Variants in AK7 observed in about 807,000 individuals in gnomAD.
The protein encoded by AK7 is adenylate kinase 7.
AK7 carries 78 observed loss-of-function variants against 96.6 expected under a neutral mutation model. The ratio of observed to expected loss-of-function variants is 0.81; its 90% CI spans 0.67 to 0.97. The LOEUF (loss-of-function observed/expected upper bound fraction) is 0.97, where lower values mean the gene tolerates loss of function less well. Ranked by LOEUF, AK7 falls within the 50% of genes least tolerant of loss-of-function variation. The pLI is 0.00. For missense variants in AK7, 855 were observed against 887.9 expected (o/e 0.96, Z 0.47); for synonymous variants, 302 against 317.2 (o/e 0.95, Z 0.51).
intron 6 of AK7, among the ~76,000 whole-genome samples, chr14:96,441,057 C>G (rs990448247): frequency 6.6e-6 from 1 of 152,012 alleles, no homozygotes; most frequent in Non-Finnish European, 1.5e-5. Context: ...TCTTTTGAGT[C>G]TTTGATCAGC....
chr14:96,399,814 G>A lies in AK7; in HGVS notation c.294+1551G>A, dbSNP rs982341595. On this transcript the variant is annotated intron_variant, in intron 2 of 17. Coordinates refer to ENST00000267584, the MANE Select transcript of AK7 (RefSeq NM_152327.5). The surrounding 1 kb of genome is among the most constrained non-coding windows in gnomAD (Gnocchi z 4.1). ...TTTTCCTCTTTTACCCTTTAAATGC[G>A]GTTTTCCCCAGAGCTCACTCCCTTC... is the stretch of plus-strand genomic sequence containing the variant. Among the ~76,000 whole-genome samples, 11 of 151,880 alleles carry A rather than the reference G, an allele frequency of 7.2e-5. No homozygotes were observed. Among genetic ancestry groups the A allele is most frequent in the African/African-American group, 2.4e-4 (10 of 41,344 alleles).
At chr14:96,445,087 G>A (rs145888610) in intron 7 of AK7, among the ~76,000 whole-genome samples, 78 of 152,310 alleles carry the variant, frequency 5.1e-4, no homozygotes, top group African/African-American at 1.8e-3. Context: ...AATGACCAAT[G>A]TGCTTTTTGT....
intron 12 of AK7, among the ~76,000 whole-genome samples, chr14:96,459,045 A>C (rs912184651): frequency 1.3e-5 from 2 of 152,046 alleles, no homozygotes; most frequent in African/African-American, 4.8e-5. Context: ...TAAGTTAAAA[A>C]GAAAAAAATC....
chr14:96,488,176 G>C (rs1895879557), intron 17 of AK7, 129 bp from the exon 18 acceptor site: 2 of 761,800 alleles, frequency 2.6e-6, no homozygotes, highest in South Asian at 1.7e-5. Flanking sequence ...GCCTCCCAAA[G>C]TGCTGGGATT....
intron 9 of AK7, 45 bp downstream of exon 9, chr14:96,449,924 T>G: frequency 7.5e-7 from 1 of 1,335,912 alleles, no homozygotes. Flanking sequence ...TCTTTCTCAA[T>G]AATATGGAGT....
chr14:96,415,087 G>A (rs1891253581), intron 4 of AK7, among the ~76,000 whole-genome samples: 1 of 151,882 alleles, frequency 6.6e-6, no homozygotes, highest in Non-Finnish European at 1.5e-5. Flanking sequence ...AACAAAAAGA[G>A]GAGCAGAAGA....
At chr14:96,479,367 G>A (rs1355696626) in intron 15 of AK7, among the ~76,000 whole-genome samples, 2 of 151,078 alleles carry the variant, frequency 1.3e-5, no homozygotes, top group Middle Eastern at 3.5e-3. Flanking sequence ...GTGAGCCACC[G>A]TGCCTGGCCG....
rs1015708216 is a variant in AK7 at position 96,399,733 on chromosome 14, G to A, written c.294+1470G>A. On this transcript the variant is annotated intron_variant, in intron 2 of 17. Transcript: ENST00000267584. This position sits in a 1 kb window ranked among gnomAD's most constrained non-coding sequence, Gnocchi z 4.1. ...AACTCGCCTTCCCTTCTTGTGCCTC[G>A]GCTCTGCACTGACTAAGCGCCCAAG... Among the ~76,000 whole-genome samples, 3 of 152,044 alleles carry A rather than the reference G, an allele frequency of 2.0e-5. No homozygotes were observed. The highest frequency in any genetic ancestry group is 4.4e-5 in the Non-Finnish European group (3 of 67,998).
intron 6 of AK7, among the ~76,000 whole-genome samples, chr14:96,438,631 C>A (rs935356781): frequency 2.0e-5 from 3 of 152,148 alleles, no homozygotes; most frequent in African/African-American, 7.2e-5. Flanking sequence ...AGAGTCAGAC[C>A]AAGCCCAGCC....
At chr14:96,454,308 G>C (rs1293572888) in intron 10 of AK7, among the ~76,000 whole-genome samples, 1 of 151,940 alleles carries the variant, frequency 6.6e-6, no homozygotes, top group Admixed American at 6.6e-5. Flanking sequence ...ACAACTATTT[G>C]GACCATTTTG....
At chr14:96,464,595 T>C (rs1179725530) in intron 12 of AK7, among the ~76,000 whole-genome samples, 1 of 151,282 alleles carries the variant, frequency 6.6e-6, no homozygotes, top group Admixed American at 6.6e-5. Context: ...TAGTGTACTT[T>C]ATTATAAAGG....
intron 4 of AK7, among the ~76,000 whole-genome samples, chr14:96,419,789 C>CTTTCTTTTTT (rs1891568885): frequency 7.5e-6 from 1 of 134,106 alleles, no homozygotes; most frequent in African/African-American, 2.9e-5. Flanking sequence ...TCTTTCTTTT[C>CTTTCTTTTTT]TTTTTTTTTT....
intron 12 of AK7, among the ~76,000 whole-genome samples, chr14:96,459,231 G>C (rs10149348): frequency 0.07 from 10,647 of 151,918 alleles, 1,296 homozygotes; most frequent in African/African-American, 0.24. Flanking sequence ...CCAGCTACTC[G>C]GGAAGGTGAG....
intron 4 of AK7, among the ~76,000 whole-genome samples, chr14:96,409,856 C>T (rs952104217): frequency 2.6e-5 from 4 of 152,180 alleles, no homozygotes; most frequent in Admixed American, 6.5e-5. Flanking sequence ...TGCTGAATCA[C>T]GGTACACTCT....
At chr14:96,450,523 C>T (rs1595430915) in intron 9 of AK7, among the ~76,000 whole-genome samples, 5 of 151,330 alleles carry the variant, frequency 3.3e-5, no homozygotes, top group South Asian at 4.2e-4. Context: ...TTTCTTTGGC[C>T]TCTTTCTAAA....
intron 14 of AK7, 86 bp from the exon 15 acceptor site, chr14:96,478,379 G>T: frequency 7.2e-7 from 1 of 1,393,158 alleles, no homozygotes; most frequent in Admixed American, 1.7e-5. Context: ...GTCTTGGCTG[G>T]TAACCAGGGG....
chr14:96,488,503 T>C lies in AK7; in HGVS notation c.*160T>C. ...AATCTCTATTAAAAGCTATATGACA[T>C]GACTATGTCATTAAAACTATATTTG... On this transcript the variant is annotated 3_prime_UTR_variant, in exon 18 of 18. Transcript: ENST00000267584. 3.5e-6 allele frequency: 2 copies of C among 563,400 alleles called. No individual in the cohort carries two copies. The highest frequency in any genetic ancestry group is 5.7e-5 in the South Asian group (2 of 35,070). 34.9% of individuals were successfully genotyped at this position (563,400 alleles called of 1,614,324 possible). A position where few individuals can be genotyped will look rare whatever the true frequency, so the allele number is the denominator to read the frequency against.
chr14:96,438,467 T>A (rs1356244734), intron 6 of AK7, among the ~76,000 whole-genome samples: 2 of 152,194 alleles, frequency 1.3e-5, no homozygotes, highest in African/African-American at 4.8e-5. Context: ...AGGAGCTGGC[T>A]AATCGGCTTT....
intron 3 of AK7, among the ~76,000 whole-genome samples, chr14:96,407,628 C>G (rs1890794105): frequency 7.3e-6 from 1 of 136,104 alleles, no homozygotes; most frequent in South Asian, 2.3e-4. Flanking sequence ...GTTGCCTAGG[C>G]TGGAGTGCAG....
Sources: allele counts gnomAD v4.1 joint callset (sites outside exome capture counted in the v4.1 genomes callset), GRCh38; gene constraint gnomAD v4.1.1; non-coding constraint Gnocchi (gnomAD v3.1); transcripts MANE v1.5; gene names NCBI Gene and HGNC (gene_info 2026-07-23, HGNC 2026-07-21).